The following MTMR3 variants were observed in gnomAD, a reference collection of about 807,000 sequenced individuals.
MTMR3 encodes the protein myotubularin related protein 3.
A neutral mutation model predicts 132.4 loss-of-function variants in MTMR3; 32 were observed. That is an observed-to-expected ratio of 0.24 (90% CI 0.18 to 0.32). The LOEUF is 0.32. MTMR3 is among the 10% of genes least tolerant of loss of function. The probability of loss-of-function intolerance (pLI) is 1.00; values close to 1 mark genes in which losing one functional copy is unlikely to be tolerated. For synonymous variants in MTMR3, 556 were observed against 550.3 expected (o/e 1.01, Z -0.14); for missense variants, 1,216 against 1,489.6 (o/e 0.82, Z 3.02).
Position 29,969,967 on chromosome 22 carries a change from A to G in MTMR3, c.-84-1009A>G, listed in dbSNP as rs149087744. 3.8e-4 allele frequency among the ~76,000 whole-genome samples: 58 copies of G among 152,330 alleles called. 1 individual carries two copies. The highest frequency in any genetic ancestry group is 2.5e-3 in the South Asian group (12 of 4,828). On this transcript the variant is annotated intron_variant, in intron 2 of 19. Transcript: ENST00000401950. Reference sequence around the variant, plus strand: ...CCCTTAAAAGAGTTTTATGCTGCACATTGAAGCCCAGACTCCCTGAAATAT... The same window carrying G: ...CCCTTAAAAGAGTTTTATGCTGCACGTTGAAGCCCAGACTCCCTGAAATAT...
chr22:29,923,859 A>G (rs1256001591), intron 1 of MTMR3, among the ~76,000 whole-genome samples: 1 of 152,190 alleles, frequency 6.6e-6, no homozygotes, highest in African/African-American at 2.4e-5. Context: ...CAAGGGGCCA[A>G]AAAGCCCATA....
At position 30,020,850 on chromosome 22, in the gene MTMR3, C is replaced by T; in HGVS notation, c.3191C>T (p.Ser1064Phe). The T allele has an allele frequency of 6.2e-7, 1 of 1,603,494 alleles. No individual in the cohort carries two copies. Among genetic ancestry groups the T allele is most frequent in the Non-Finnish European group, 8.5e-7 (1 of 1,174,414 alleles). Residue 1064 changes from serine (S) to phenylalanine (F), a missense_variant, in exon 17 of 20, where the codon TCC becomes TTC. Transcript: ENST00000401950. ...SRLESQYLTS[S>F]LHFNGDFGDE... ...CTGGAGAGCCAGTACCTGACCAGCT[C>T]CCTACACTTTAATGGAGACTTTGGG...
chr22:29,982,935 G>GTTTTTTTTTTTTTT (rs368961635), intron 5 of MTMR3: 9 of 131,310 alleles, frequency 6.9e-5, no homozygotes, highest in African/African-American at 2.4e-4. Context: ...TTAAAAGTTT[G>GTTTTTTTTTTTTTT]TTTGTGTGTG....
At chr22:29,966,720 GGT>G (rs1343013840) in intron 2 of MTMR3, among the ~76,000 whole-genome samples, 7 of 116,178 alleles carry the variant, frequency 6.0e-5, no homozygotes, top group East Asian at 4.6e-4. Flanking sequence ...GACCTGTAGG[GGT>G]GTGCGTGTGT....
intron 3 of MTMR3, 39 bp downstream of exon 3, chr22:29,971,101 A>G: frequency 1.9e-6 from 3 of 1,578,788 alleles, no homozygotes; most frequent in Non-Finnish European, 2.6e-6. Context: ...AAAAACAAAA[A>G]ACCCTGTGTC....
rs116648178 is a variant in MTMR3 at position 29,923,496 on chromosome 22, A to G, written c.-137-33540A>G. Among the ~76,000 whole-genome samples the G allele has an allele frequency of 4.5e-3, 681 of 152,148 alleles. 6 individuals carry two copies. The highest frequency in any genetic ancestry group is 0.015 in the African/African-American group (643 of 41,500). ...TGGGACTGCAGGGGTGAGCCATTGC[A>G]CTTGGCCAACTAGGGATGTTGAGTA... On this transcript the variant is annotated intron_variant, in intron 1 of 19. Coordinates refer to ENST00000401950, the MANE Select transcript of MTMR3 (RefSeq NM_021090.4).
intron 2 of MTMR3, among the ~76,000 whole-genome samples, chr22:29,965,364 G>A (rs929745375): frequency 6.6e-6 from 1 of 152,006 alleles, no homozygotes; most frequent in Non-Finnish European, 1.5e-5. Context: ...TTTTAATGCC[G>A]AGTGGCAAAT....
At position 30,019,713 on chromosome 22, in the gene MTMR3, C is replaced by T. The variant is rs1319467036; in HGVS notation, c.2054C>T (p.Ala685Val). 1.2e-6 allele frequency: 2 copies of T among 1,614,170 alleles called. No individual in the cohort carries two copies. Among genetic ancestry groups the T allele is most frequent in the Non-Finnish European group, 1.7e-6 (2 of 1,180,040 alleles). ...GAELSVAAGV[A>V]EGQMENILQE... ...GAGCTTTCTGTTGCAGCCGGAGTAG[C>T]TGAGGGGCAGATGGAGAACATCTTG... The change falls in exon 17 of 20, where the codon GCT becomes GTT. Residue 685 changes from alanine (A) to valine (V), a missense_variant. Ala to Val is a moderately conservative substitution (Grantham distance 64, BLOSUM62 0). Transcript: ENST00000401950.
At chr22:29,947,091 T>C (rs907028236) in intron 1 of MTMR3, among the ~76,000 whole-genome samples, 8 of 152,222 alleles carry the variant, frequency 5.3e-5, no homozygotes, top group Non-Finnish European at 1.2e-4. Flanking sequence ...TTTTAACATA[T>C]ATACATGTTC....
chr22:29,978,944 C>T lies in MTMR3; in HGVS notation c.102C>T (p.Phe34=), dbSNP rs975372673. 6.2e-7 allele frequency: 1 copy of T among 1,612,238 alleles called. No individual in the cohort carries two copies. The highest frequency in any genetic ancestry group is 8.5e-7 in the Non-Finnish European group (1 of 1,178,814). Residue 34 remains phenylalanine, a synonymous_variant, in exon 5 of 20, where the codon TTC becomes TTT. Transcript: ENST00000401950. ...TTTCTTTCATTTCGAAGGTTCCTTT[C>T]CTTGAACTTCATGGAGAGAGCACAG... ...IREDENLQVP[F]LELHGESTEF...
At position 29,978,926 on chromosome 22, in the gene MTMR3, C is replaced by T; in HGVS notation, c.94-10C>T. ...CTTCAGAACTCTGAAGGGTTTCTTTCATTTCGAAGGTTCCTTTCCTTGAAC... is the reference window on the plus strand; with the variant it reads ...CTTCAGAACTCTGAAGGGTTTCTTTTATTTCGAAGGTTCCTTTCCTTGAAC... On this transcript the variant is annotated splice_polypyrimidine_tract_variant and intron_variant, in intron 4 of 19. Coordinates refer to ENST00000401950, the MANE Select transcript of MTMR3 (RefSeq NM_021090.4). The T allele has an allele frequency of 1.9e-6, 3 of 1,587,038 alleles. No homozygotes were observed. The highest frequency in any genetic ancestry group is 4.5e-5 in the East Asian group (2 of 44,576).
chr22:30,028,395 T>G lies in MTMR3; in HGVS notation c.*2594T>G, dbSNP rs1022182044. ...AACTAGAGGTCTCCTTCCCGCCCTC[T>G]CTCCACACAGAGAGGAACCTCTGCT... On this transcript the variant is annotated 3_prime_UTR_variant, in exon 20 of 20. Coordinates refer to ENST00000401950, the MANE Select transcript of MTMR3 (RefSeq NM_021090.4). 6.6e-6 allele frequency: 1 copy of G among 152,348 alleles called. No homozygotes were observed. Among genetic ancestry groups the G allele is most frequent in the Non-Finnish European group, 1.5e-5 (1 of 68,062 alleles). The allele number at this position is 152,348 out of a possible 1,614,324, so 9.4% of individuals were successfully genotyped here.
chr22:29,947,928 C>G (rs1429781083), intron 1 of MTMR3, among the ~76,000 whole-genome samples: 1 of 152,028 alleles, frequency 6.6e-6, no homozygotes, highest in Admixed American at 6.6e-5. Context: ...CTGAGAATTG[C>G]TTTGAAAGGG....
intron 2 of MTMR3, among the ~76,000 whole-genome samples, chr22:29,967,398 A>ATT (rs111456917): frequency 1.4e-5 from 2 of 141,984 alleles, no homozygotes; most frequent in African/African-American, 5.2e-5. Flanking sequence ...CAACCACCTA[A>ATT]TTTTTTTTTT....
At chr22:29,985,787 CT>C (rs1382314494) in intron 5 of MTMR3, 1 of 152,078 alleles carries the variant, frequency 6.6e-6, no homozygotes, top group African/African-American at 2.4e-5. Flanking sequence ...CATTCTAATT[CT>C]TTTTTCTTCA....
At chr22:29,996,404 A>G (rs1333944682) in intron 7 of MTMR3, 1 of 152,196 alleles carries the variant, frequency 6.6e-6, no homozygotes, top group African/African-American at 2.4e-5. Flanking sequence ...TATGAAGTAA[A>G]TTGCTAGTGA....
At chr22:30,022,337 TC>T in intron 18 of MTMR3, 198 bp downstream of exon 18, 1 of 610,156 alleles carries the variant, frequency 1.6e-6, no homozygotes, top group South Asian at 2.0e-5. Context: ...AAGCTGGCCC[TC>T]CCTCTTCATT....
chr22:30,013,665 G>GT (rs1244619577), intron 14 of MTMR3, 124 bp downstream of exon 14: 5 of 916,128 alleles, frequency 5.5e-6, no homozygotes, highest in Middle Eastern at 3.2e-4. Flanking sequence ...TTTTTTTCCT[G>GT]TTTCTGCTTT....
At chr22:29,928,868 T>C (rs1177791222) in intron 1 of MTMR3, among the ~76,000 whole-genome samples, 1 of 152,174 alleles carries the variant, frequency 6.6e-6, no homozygotes, top group African/African-American at 2.4e-5. Context: ...TGTTGAAATA[T>C]ATCAAGGGAA....
Sources: gnomAD v4.1 joint callset for allele counts (sites outside exome capture counted in the v4.1 genomes callset) on GRCh38, gnomAD v4.1.1 for gene constraint, MANE v1.5 for transcripts, NCBI Gene and HGNC (gene_info 2026-07-23, HGNC 2026-07-21) for gene names.